ZNF267: variants seen among roughly 807,000 people sequenced by gnomAD.
ZNF267 encodes the protein zinc finger (C2H2).
A neutral mutation model predicts 71.6 loss-of-function variants in ZNF267; 61 were observed. The ratio of observed to expected loss-of-function variants is 0.85; its 90% CI spans 0.69 to 1.05. The LOEUF (loss-of-function observed/expected upper bound fraction) is 1.05. Ranked by LOEUF, ZNF267 falls within the 50% of genes least tolerant of loss-of-function variation. The pLI is 0.00. For synonymous variants in ZNF267, 288 were observed against 293.2 expected, an observed-to-expected ratio of 0.98 and a Z score of 0.18; for missense variants, 852 against 870.0, an observed-to-expected ratio of 0.98 and a Z score of 0.26.
chr16:31,875,190 TC>T, intron 1 of ZNF267: 1 of 1,289,182 alleles, frequency 7.8e-7, no homozygotes, highest in Non-Finnish European at 1.0e-6. Flanking sequence ...CTTTTCCTGT[TC>T]CTGAATTTCA....
intron 3 of ZNF267, among the ~76,000 whole-genome samples, chr16:31,893,625 T>G (rs769669270): frequency 5.9e-5 from 9 of 152,214 alleles, no homozygotes; most frequent in Non-Finnish European, 1.2e-4. Context: ...ATGAGACTAA[T>G]GTTAGCAGTC....
In ZNF267 at chr16:31,914,990, A is replaced by G. The variant is rs2084162579; in HGVS notation, c.741A>G (p.Lys247=). The G allele has an allele frequency of 1.9e-6, 3 of 1,609,276 alleles. No homozygotes were observed. Among genetic ancestry groups the G allele is most frequent in the Non-Finnish European group, 2.5e-6 (3 of 1,178,780 alleles). The stretch of plus-strand genomic sequence containing the variant: ...TTCTAGAAAAACAATACAAATGTAA[A>G]GAATTTGAGGAAGTCTTTCTTCAGA... ...NYFLEKQYKC[K]EFEEVFLQSM... The change falls in exon 4 of 4, where the codon AAA becomes AAG. Residue 247 remains lysine (K), a synonymous_variant. Transcript: ENST00000300870.
chr16:31,901,370 C>T (rs977584974), intron 3 of ZNF267, among the ~76,000 whole-genome samples: 4 of 152,162 alleles, frequency 2.6e-5, no homozygotes, highest in Non-Finnish European at 4.4e-5. Flanking sequence ...CCTGAGGAAT[C>T]GCCACACCAA....
intron 1 of ZNF267, among the ~76,000 whole-genome samples, chr16:31,884,047 A>C (rs1479651329): frequency 6.6e-6 from 1 of 152,218 alleles, no homozygotes; most frequent in Non-Finnish European, 1.5e-5. Flanking sequence ...TCAAAATTAA[A>C]AATTAAAAAA....
intron 3 of ZNF267, among the ~76,000 whole-genome samples, chr16:31,906,000 ACAGT>A (rs1471745053): frequency 6.6e-6 from 1 of 152,082 alleles, no homozygotes; most frequent in East Asian, 1.9e-4. Context: ...TTTCCTTCTA[ACAGT>A]CAGGAACCTC....
chr16:31,898,889 C>A (rs2084018790), intron 3 of ZNF267, among the ~76,000 whole-genome samples: 1 of 152,082 alleles, frequency 6.6e-6, no homozygotes, highest in Admixed American at 6.6e-5. Flanking sequence ...GGGTTGCAAT[C>A]CTGGTCTCTG....
chr16:31,904,099 G>T (rs1165289373), intron 3 of ZNF267, among the ~76,000 whole-genome samples: 1 of 152,224 alleles, frequency 6.6e-6, no homozygotes, highest in Non-Finnish European at 1.5e-5. Context: ...GAGCAGTTTT[G>T]AGTGAGTTTC....
intron 3 of ZNF267, among the ~76,000 whole-genome samples, chr16:31,904,824 CATT>C (rs1285363492): frequency 1.3e-5 from 2 of 152,290 alleles, no homozygotes; most frequent in Non-Finnish European, 2.9e-5. Context: ...TTGATCCTGT[CATT>C]ATGATGTTAG....
At chr16:31,874,271 A>AC in intron 1 of ZNF267, 1 of 373,380 alleles carries the variant, frequency 2.7e-6, no homozygotes, top group South Asian at 4.7e-5. Context: ...TGCGGTGAGG[A>AC]CGGGAGCGTC....
chr16:31,899,758 C>T (rs561685249), intron 3 of ZNF267, among the ~76,000 whole-genome samples: 35 of 152,124 alleles, frequency 2.3e-4, no homozygotes, highest in African/African-American at 8.0e-4. Context: ...TCTCTAATGC[C>T]TAGTTATTGG....
chr16:31,875,663 G>A (rs1332053400), intron 1 of ZNF267, among the ~76,000 whole-genome samples: 3 of 152,210 alleles, frequency 2.0e-5, no homozygotes, highest in African/African-American at 7.2e-5. Context: ...TTAATGAGCA[G>A]TATTGGGGTA....
chr16:31,885,129 T>C (rs371572668), intron 2 of ZNF267, 32 bp from the exon 3 acceptor site: 117 of 1,548,932 alleles, frequency 7.6e-5, no homozygotes, highest in Middle Eastern at 4.3e-4. Flanking sequence ...GAACCCTCAT[T>C]AAGAGTCATG....
intron 3 of ZNF267, among the ~76,000 whole-genome samples, chr16:31,900,406 G>A (rs929693629): frequency 2.0e-5 from 3 of 152,016 alleles, no homozygotes; most frequent in African/African-American, 7.2e-5. Flanking sequence ...CAGGTCTAAT[G>A]GATATAAATT....
chr16:31,887,185 T>C (rs2142336841), intron 3 of ZNF267, among the ~76,000 whole-genome samples: 2 of 152,284 alleles, frequency 1.3e-5, no homozygotes, highest in Admixed American at 1.3e-4. Context: ...TAAACTTGTT[T>C]GCCACTTCCA....
chr16:31,902,530 A>G (rs947765942), intron 3 of ZNF267, among the ~76,000 whole-genome samples: 6 of 151,940 alleles, frequency 3.9e-5, no homozygotes, highest in African/African-American at 1.4e-4. Context: ...TTGGATTCCT[A>G]GGTATTTTAT....
In ZNF267 at chr16:31,914,780, A is replaced by G. The variant is rs771513273; in HGVS notation, c.531A>G (p.Gln177=). 3.7e-6 allele frequency: 6 copies of G among 1,613,576 alleles called. No individual in the cohort carries two copies. Among genetic ancestry groups the G allele is most frequent in the Non-Finnish European group, 5.1e-6 (6 of 1,179,888 alleles). The change falls in exon 4 of 4, where the codon CAA becomes CAG. Residue 177 remains glutamine, a synonymous_variant. Transcript: ENST00000300870. ...TTACTCATTCATCATTGCTTAATCAACAAGAGGAAATAGATATTTGGGGAA... is the reference window on the plus strand; with the variant it reads ...TTACTCATTCATCATTGCTTAATCAGCAAGAGGAAATAGATATTTGGGGAA... The part of the protein sequence containing the change: ...KVFTHSSLLN[Q]QEEIDIWGKH...
chr16:31,884,614 G>A lies in ZNF267; in HGVS notation c.120G>A (p.Leu40=). The A allele has an allele frequency of 6.2e-7, 1 of 1,613,720 alleles. No individual in the cohort carries two copies. The highest frequency in any genetic ancestry group is 1.3e-5 in the African/African-American group (1 of 74,988). The change falls in exon 2 of 4, where the codon CTG becomes CTA. Residue 40 remains leucine, a synonymous_variant. Transcript: ENST00000300870. ...QDVMLENYRN[L]VSLGLVVSKP... ...TGATGTTAGAAAACTACAGAAACCT[G>A]GTCTCTCTGGGTGAGGATAACTTGC...
Position 31,885,266 on chromosome 16 carries a change from A to T in ZNF267, c.226+10A>T, listed in dbSNP as rs568930790. The T allele has an allele frequency of 6.2e-6, 10 of 1,602,682 alleles. No individual in the cohort carries two copies. The East Asian group carries it at 2.0e-4, about 32-fold the overall frequency. ...GTAGCCATCCAGCCAGGTAGGTGGGAGCGAATGAAGTAGATGACATGGGCG... is the reference window on the plus strand; with the variant it reads ...GTAGCCATCCAGCCAGGTAGGTGGGTGCGAATGAAGTAGATGACATGGGCG... On this transcript the variant is annotated intron_variant, in intron 3 of 3. Coordinates refer to ENST00000300870, the MANE Select transcript of ZNF267 (RefSeq NM_003414.6).
intron 3 of ZNF267, among the ~76,000 whole-genome samples, chr16:31,889,705 C>G (rs1459835090): frequency 6.6e-6 from 1 of 152,148 alleles, no homozygotes; most frequent in African/African-American, 2.4e-5. Context: ...AGTCACATGG[C>G]AAGAGCAGGA....
Sources: allele counts gnomAD v4.1 joint callset (sites outside exome capture counted in the v4.1 genomes callset), GRCh38; gene constraint gnomAD v4.1.1; transcripts MANE v1.5; gene names NCBI Gene and HGNC (gene_info 2026-07-23, HGNC 2026-07-21).